Variants in RSU1 observed in about 807,000 individuals in gnomAD.
RSU1 encodes Ras suppressor protein 1, also known as rsu-1.
RSU1 carries 26 observed loss-of-function variants against 31.1 expected under a neutral mutation model. That is an observed-to-expected ratio of 0.84 (90% CI 0.61 to 1.16). The LOEUF is 1.16. Among genes scored for constraint, RSU1 ranks in the 50% most tolerant of loss-of-function variants. The pLI, the probability that RSU1 is intolerant of heterozygous loss-of-function variation, is 0.00. For missense variants in RSU1, 320 were observed against 339.1 expected (o/e 0.94, Z 0.44); for synonymous variants, 164 against 136.3 (o/e 1.20, Z -1.41).
At chr10:16,739,672 G>A (rs773934407) in intron 7 of RSU1, among the ~76,000 whole-genome samples, 1 of 151,884 alleles carries the variant, frequency 6.6e-6, no homozygotes, top group African/African-American at 2.4e-5. Flanking sequence ...AGGCCGGAGT[G>A]CAATGGTGTG....
At chr10:16,684,114 G>A (rs774331214) in intron 8 of RSU1, among the ~76,000 whole-genome samples, 38 of 152,208 alleles carry the variant, frequency 2.5e-4, no homozygotes, top group Non-Finnish European at 5.0e-4. Flanking sequence ...GATTGGGAGG[G>A]TGGTGAAAGA....
At chr10:16,660,046 A>C (rs376508808) in intron 8 of RSU1, among the ~76,000 whole-genome samples, 16 of 152,230 alleles carry the variant, frequency 1.1e-4, no homozygotes, top group African/African-American at 3.9e-4. Context: ...AAACTATTCA[A>C]GGATATTTGG....
chr10:16,610,444 G>T (rs535706033), intron 8 of RSU1, among the ~76,000 whole-genome samples: 2 of 152,268 alleles, frequency 1.3e-5, no homozygotes, highest in East Asian at 1.9e-4. Context: ...GTACCTAACC[G>T]CAGCCTGTTA....
intron 2 of RSU1, among the ~76,000 whole-genome samples, chr10:16,787,807 T>C (rs1431779521): frequency 3.3e-5 from 5 of 152,242 alleles, no homozygotes; most frequent in African/African-American, 4.8e-5. Flanking sequence ...TCTTTATAAA[T>C]TACACAGTCT....
chr10:16,789,661 G>C (rs1837871466), intron 2 of RSU1, among the ~76,000 whole-genome samples: 1 of 152,180 alleles, frequency 6.6e-6, no homozygotes, highest in South Asian at 2.1e-4. Flanking sequence ...GGGAAAATGG[G>C]AGCAGGCTGT....
At chr10:16,739,105 C>T (rs912388601) in intron 7 of RSU1, among the ~76,000 whole-genome samples, 1 of 152,120 alleles carries the variant, frequency 6.6e-6, no homozygotes, top group Non-Finnish European at 1.5e-5. Context: ...TTTATCCAGT[C>T]TATCATTGAT....
chr10:16,784,375 G>C (rs972604317), intron 2 of RSU1, among the ~76,000 whole-genome samples: 8 of 152,122 alleles, frequency 5.3e-5, no homozygotes, highest in Admixed American at 2.6e-4. Flanking sequence ...TTCTGGCATT[G>C]CTATAAAGAA....
At chr10:16,740,420 T>C (rs2131609748) in intron 7 of RSU1, among the ~76,000 whole-genome samples, 1 of 152,354 alleles carries the variant, frequency 6.6e-6, no homozygotes, top group East Asian at 1.9e-4. Flanking sequence ...GACTGGATGC[T>C]TTCCCCTTAA....
At chr10:16,680,505 T>C (rs928579902) in intron 8 of RSU1, among the ~76,000 whole-genome samples, 1 of 152,134 alleles carries the variant, frequency 6.6e-6, no homozygotes, top group Non-Finnish European at 1.5e-5. Flanking sequence ...ACAAGAAGCA[T>C]AGTGCTGGCA....
chr10:16,697,592 A>AGGCGGAG (rs929731386), intron 7 of RSU1, among the ~76,000 whole-genome samples: 11 of 151,830 alleles, frequency 7.2e-5, no homozygotes, highest in Non-Finnish European at 1.3e-4. Context: ...TGAACCTGGG[A>AGGCGGAG]GGCGGAGGTT....
intron 2 of RSU1, among the ~76,000 whole-genome samples, chr10:16,807,972 G>A (rs1564365198): frequency 2.7e-5 from 4 of 148,760 alleles, no homozygotes; most frequent in Admixed American, 6.7e-5. Flanking sequence ...GCAGCGAGCC[G>A]AGATCACGCC....
At chr10:16,745,552 G>A (rs2131614083) in intron 7 of RSU1, among the ~76,000 whole-genome samples, 1 of 152,268 alleles carries the variant, frequency 6.6e-6, no homozygotes, top group Non-Finnish European at 1.5e-5. Context: ...ACAAGAGAGG[G>A]CTTGTGTATG....
intron 7 of RSU1, among the ~76,000 whole-genome samples, chr10:16,744,059 G>A (rs954829938): frequency 6.6e-6 from 1 of 151,714 alleles, no homozygotes; most frequent in Non-Finnish European, 1.5e-5. Context: ...GGGCCCAGAA[G>A]GTCAAGGTTG....
intron 8 of RSU1, among the ~76,000 whole-genome samples, chr10:16,658,581 G>T (rs529527089): frequency 6.6e-6 from 1 of 151,968 alleles, no homozygotes; most frequent in Non-Finnish European, 1.5e-5. Flanking sequence ...AAAATTAACC[G>T]AGCGTGGTGG....
At chr10:16,638,739 G>A (rs1276244295) in intron 8 of RSU1, among the ~76,000 whole-genome samples, 3 of 152,210 alleles carry the variant, frequency 2.0e-5, no homozygotes, top group Non-Finnish European at 4.4e-5. Context: ...TCTGAAATGC[G>A]AGGAGGCCTG....
At chr10:16,770,844 C>T (rs1837410784) in intron 3 of RSU1, among the ~76,000 whole-genome samples, 1 of 151,066 alleles carries the variant, frequency 6.6e-6, no homozygotes, top group East Asian at 1.9e-4. Flanking sequence ...TTCCAGGAAG[C>T]AAAAGTGCCA....
intron 2 of RSU1, among the ~76,000 whole-genome samples, chr10:16,790,479 A>C (rs7912525): frequency 0.22 from 33,538 of 152,114 alleles, 3,845 homozygotes; most frequent in African/African-American, 0.26. Context: ...TCAGAAAGAG[A>C]TGTTACTTAT....
intron 2 of RSU1, among the ~76,000 whole-genome samples, chr10:16,800,780 T>C (rs1838139318): frequency 1.3e-5 from 2 of 152,212 alleles, no homozygotes; most frequent in African/African-American, 2.4e-5. Context: ...TAAATGTATA[T>C]TGCAAACTCT....
At chr10:16,724,107 A>AT (rs1187581826) in intron 7 of RSU1, among the ~76,000 whole-genome samples, 2 of 151,838 alleles carry the variant, frequency 1.3e-5, no homozygotes, top group East Asian at 3.9e-4. Context: ...TGTCCAGCTA[A>AT]TTTTTTTGTA....
Sources: gnomAD v4.1 joint callset for allele counts (sites outside exome capture counted in the v4.1 genomes callset) on GRCh38, gnomAD v4.1.1 for gene constraint, MANE v1.5 for transcripts, NCBI Gene and HGNC (gene_info 2026-07-23, HGNC 2026-07-21) for gene names.